DTWD2: variants seen among roughly 807,000 people sequenced by gnomAD.
DTWD2 encodes the protein tRNA-uridine aminocarboxypropyltransferase 2.
DTWD2 carries 39 observed loss-of-function variants against 31.8 expected under a neutral mutation model. That is an observed-to-expected ratio of 1.22 (90% CI 0.95 to 1.60). The LOEUF (loss-of-function observed/expected upper bound fraction) is 1.60. Among genes scored for constraint, DTWD2 ranks in the 40% most tolerant of loss-of-function variants. The pLI, the probability that DTWD2 is intolerant of heterozygous loss-of-function variation, is 0.00. For synonymous variants in DTWD2, 180 were observed against 142.8 expected, an observed-to-expected ratio of 1.26 and a Z score of -1.86; for missense variants, 515 against 381.5, an observed-to-expected ratio of 1.35 and a Z score of -2.92.
intron 1 of DTWD2, among the ~76,000 whole-genome samples, chr5:118,963,774 C>G (rs1318209702): frequency 1.3e-5 from 2 of 152,142 alleles, no homozygotes; most frequent in Admixed American, 6.5e-5. Context: ...GTCCCTCCCA[C>G]CTCTGCACTC....
chr5:118,860,454 A>G (rs1014782698), intron 4 of DTWD2, among the ~76,000 whole-genome samples: 2 of 151,842 alleles, frequency 1.3e-5, no homozygotes, highest in Admixed American at 1.3e-4. Context: ...CACATTTTTG[A>G]TATTTGGGTT....
At chr5:118,890,385 T>C (rs138410092) in intron 4 of DTWD2, among the ~76,000 whole-genome samples, 3,710 of 152,212 alleles carry the variant, frequency 0.024, 62 homozygotes, top group Non-Finnish European at 0.027. Flanking sequence ...TTCATGTAAA[T>C]TTCCACGTAC....
chr5:118,882,123 T>C (rs1269191349), intron 4 of DTWD2, among the ~76,000 whole-genome samples: 1 of 152,144 alleles, frequency 6.6e-6, no homozygotes, highest in South Asian at 2.1e-4. Flanking sequence ...AGGCATTGGG[T>C]AAATGTTCCC....
chr5:118,937,383 CAAAA>C (rs70982459), intron 3 of DTWD2, among the ~76,000 whole-genome samples: 1 of 132,196 alleles, frequency 7.6e-6, no homozygotes. Flanking sequence ...GTTATCACTG[CAAAA>C]AAAAAAAAAA....
intron 4 of DTWD2, among the ~76,000 whole-genome samples, chr5:118,889,267 C>T (rs1375543437): frequency 3.3e-5 from 5 of 151,950 alleles, no homozygotes; most frequent in Admixed American, 1.3e-4. Flanking sequence ...AAGATAAGTA[C>T]TCAATCAATA....
intron 4 of DTWD2, among the ~76,000 whole-genome samples, chr5:118,857,292 G>A (rs1217521120): frequency 6.6e-6 from 1 of 152,044 alleles, no homozygotes. Context: ...ACCTCTATGT[G>A]TACATACGTA....
chr5:118,877,798 CAG>C, intron 4 of DTWD2, among the ~76,000 whole-genome samples: 1 of 152,148 alleles, frequency 6.6e-6, no homozygotes, highest in East Asian at 1.9e-4. Flanking sequence ...TAGAAAACCC[CAG>C]AGTCTCATCC....
At chr5:118,850,779 C>G (rs1476460145) in intron 4 of DTWD2, among the ~76,000 whole-genome samples, 1 of 152,076 alleles carries the variant, frequency 6.6e-6, no homozygotes, top group East Asian at 1.9e-4. Flanking sequence ...CAACAAAGCT[C>G]TAATATCCAG....
Position 118,988,390 on chromosome 5 carries a change from G to T in DTWD2, c.122C>A (p.Ala41Asp). 1 of 1,589,950 alleles carries T rather than the reference G, an allele frequency of 6.3e-7. No homozygotes were observed. The highest frequency in any genetic ancestry group is 8.5e-7 in the Non-Finnish European group (1 of 1,170,794). Residue 41 changes from alanine to aspartate, a missense_variant, in exon 1 of 6, where the codon GCT becomes GAT. Transcript: ENST00000510708. Reference protein sequence around the residue: ...RREGGAVPAAAALGAEADDDS... With the variant: ...RREGGAVPAADALGAEADDDS... The stretch of plus-strand genomic sequence containing the variant: ...GTCGTCCGCCTCTGCGCCCAGGGCA[G>T]CCGCCGCCGGCACTGCGCCGCCCTC...
intron 4 of DTWD2, among the ~76,000 whole-genome samples, chr5:118,891,923 T>A (rs1333843189): frequency 6.6e-6 from 1 of 152,168 alleles, no homozygotes; most frequent in Non-Finnish European, 1.5e-5. Context: ...AATAAAATAA[T>A]CTAGCTCAAT....
chr5:118,964,191 C>A (rs1014300245), intron 1 of DTWD2, among the ~76,000 whole-genome samples: 31 of 146,628 alleles, frequency 2.1e-4, no homozygotes, highest in African/African-American at 7.7e-4. Flanking sequence ...ACACTCCAAC[C>A]TGAGCAACAG....
rs568909374 is a variant in DTWD2 at position 118,845,776 on chromosome 5, C to T, written c.726+2314G>A. ...CCTGTCACCATTCTGTTGTCTTAAA[C>T]TTTGCCTTTTGTTAGATATTACACT... On this transcript the variant is annotated intron_variant, in intron 5 of 5. Coordinates refer to ENST00000510708, the MANE Select transcript of DTWD2 (RefSeq NM_173666.4). Among the ~76,000 whole-genome samples the T allele has an allele frequency of 2.0e-3, 310 of 152,270 alleles. 9 individuals carry two copies. Among genetic ancestry groups the T allele is most frequent in the Non-Finnish European group, 2.6e-3 (177 of 68,012 alleles).
intron 4 of DTWD2, among the ~76,000 whole-genome samples, chr5:118,863,031 T>A (rs764822471): frequency 1.3e-5 from 2 of 151,582 alleles, no homozygotes; most frequent in African/African-American, 2.4e-5. Context: ...TAGCCAAACC[T>A]GAACTACCTA....
At chr5:118,909,630 C>T (rs1753414960) in intron 4 of DTWD2, among the ~76,000 whole-genome samples, 1 of 152,206 alleles carries the variant, frequency 6.6e-6, no homozygotes, top group African/African-American at 2.4e-5. Context: ...TGCAATCAGA[C>T]CCTGCAAGCG....
intron 3 of DTWD2, among the ~76,000 whole-genome samples, chr5:118,938,669 G>GCACCGCTGCAGTGAGCCAAAATTT (rs1284426234): frequency 6.6e-6 from 1 of 151,888 alleles, no homozygotes; most frequent in African/African-American, 2.4e-5. Flanking sequence ...AGCCAAAATT[G>GCACCGCTGCAGTGAGCCAAAATTT]CACCACTGCA....
chr5:118,924,212 T>G (rs1274515038), intron 4 of DTWD2, among the ~76,000 whole-genome samples: 1 of 152,208 alleles, frequency 6.6e-6, no homozygotes, highest in Non-Finnish European at 1.5e-5. Context: ...CATATCCTAC[T>G]GGAAGTATCT....
intron 3 of DTWD2, among the ~76,000 whole-genome samples, chr5:118,935,726 G>C (rs1754031022): frequency 6.6e-6 from 1 of 152,094 alleles, no homozygotes; most frequent in South Asian, 2.1e-4. Context: ...TACTTGAAGA[G>C]TTTTCAAATA....
intron 3 of DTWD2, among the ~76,000 whole-genome samples, chr5:118,938,249 T>TAAG (rs1754088854): frequency 6.6e-6 from 1 of 152,106 alleles, no homozygotes. Context: ...AAGGAAGAAA[T>TAAG]ATAAATGATC....
In DTWD2 at chr5:118,837,668, AGGCAGAAGGATCGCTTGAGGCCAG is replaced by A; in HGVS notation, c.*3225_*3248del. On this transcript the variant is annotated 3_prime_UTR_variant, in exon 6 of 6. Coordinates refer to ENST00000510708, the MANE Select transcript of DTWD2 (RefSeq NM_173666.4). ...TTCTATATAATTTACTGAGAGGCCA[AGGCAGAAGGATCGCTTGAGGCCAG>A]GAGTTCAGGACCAGCCTAAACAACA... 6.6e-6 allele frequency: 1 copy of A among 152,336 alleles called. No homozygotes were observed. The highest frequency in any genetic ancestry group is 1.5e-5 in the Non-Finnish European group (1 of 68,044). 9.4% of individuals were successfully genotyped at this position (152,336 alleles called of 1,614,324 possible).
Sources: gnomAD v4.1 joint callset for allele counts (sites outside exome capture counted in the v4.1 genomes callset) on GRCh38, gnomAD v4.1.1 for gene constraint, MANE v1.5 for transcripts, NCBI Gene and HGNC (gene_info 2026-07-23, HGNC 2026-07-21) for gene names.